Variants in CHFR observed in about 807,000 individuals in gnomAD.
CHFR encodes E3 ubiquitin-protein ligase CHFR.
In CHFR, 57 loss-of-function variants were observed where a neutral mutation model predicts 87.6. That is an observed-to-expected ratio of 0.65 (90% CI 0.53 to 0.81). CHFR has a LOEUF of 0.81. CHFR is among the 30% of genes least tolerant of loss of function. The pLI is 0.00. For missense variants in CHFR, 797 were observed against 865.8 expected, an observed-to-expected ratio of 0.92 and a Z score of 1.00; for synonymous variants, 381 against 359.2, an observed-to-expected ratio of 1.06 and a Z score of -0.69.
At chr12:132,843,929 A>G in intron 16 of CHFR, 98 bp downstream of exon 16, 2 of 731,686 alleles carry the variant, frequency 2.7e-6, no homozygotes, top group South Asian at 3.1e-5. Context: ...AGCCTGGGCA[A>G]AAACAGCGAA....
chr12:132,867,900 T>C (rs1951382475), intron 6 of CHFR: 1 of 152,000 alleles, frequency 6.6e-6, no homozygotes, highest in Non-Finnish European at 1.5e-5. Context: ...AAGATTTTTC[T>C]ATTAAACTGG....
intron 2 of CHFR, among the ~76,000 whole-genome samples, chr12:132,878,190 G>A (rs1951674099): frequency 6.6e-6 from 1 of 152,140 alleles, no homozygotes; most frequent in African/African-American, 2.4e-5. Context: ...CAATTTTACA[G>A]CCAGGCGCAG....
chr12:132,846,122 G>A (rs1950815612), intron 15 of CHFR, among the ~76,000 whole-genome samples: 1 of 152,120 alleles, frequency 6.6e-6, no homozygotes, highest in African/African-American at 2.4e-5. Flanking sequence ...GTTCAGTCCT[G>A]TAATGATGGT....
intron 10 of CHFR, 146 bp from the exon 11 acceptor site, chr12:132,853,719 TC>T: frequency 1.1e-6 from 1 of 922,706 alleles, no homozygotes. Context: ...CCCATTCCTG[TC>T]CAGCACCCCA....
At chr12:132,845,077 A>C (rs1950788845) in intron 15 of CHFR, among the ~76,000 whole-genome samples, 2 of 42,068 alleles carry the variant, frequency 4.8e-5, no homozygotes, top group Non-Finnish European at 7.7e-4. Context: ...TTAAACATCA[A>C]AATTAAAATA....
chr12:132,866,213 G>C (rs998319341), intron 6 of CHFR: 1 of 152,148 alleles, frequency 6.6e-6, no homozygotes, highest in Non-Finnish European at 1.5e-5. Flanking sequence ...GCAACTTAGT[G>C]TCCCCAATTA....
Position 132,887,256 on chromosome 12 carries a change from C to T in CHFR, c.73G>A (p.Glu25Lys), listed in dbSNP as rs1312590714. 6.7e-7 allele frequency: 1 copy of T among 1,502,338 alleles called. No homozygotes were observed. Among genetic ancestry groups the T allele is most frequent in the Non-Finnish European group, 8.8e-7 (1 of 1,132,634 alleles). The allele number at this position is 1,502,338 out of a possible 1,614,324, so 93.1% of individuals were successfully genotyped here. A position where few individuals can be genotyped will look rare whatever the true frequency, so the allele number is the denominator to read the frequency against. ...PWGRLLRLGA[E>K]EGEPHVLLRK... is the part of the protein sequence containing the mutation. ...AGGAGGACGTGCGGCTCGCCCTCCT[C>T]CGCGCCCAGACGCAGGAGCCGTCCC... is the stretch of plus-strand genomic sequence containing the variant. The change falls in exon 2 of 18, where the codon GAG becomes AAG. Residue 25 changes from glutamate to lysine, a missense_variant. Transcript: ENST00000450056.
At chr12:132,876,139 G>A (rs1051318552) in intron 3 of CHFR, among the ~76,000 whole-genome samples, 1 of 150,912 alleles carries the variant, frequency 6.6e-6, no homozygotes, top group African/African-American at 2.5e-5. Flanking sequence ...TCGTACCACT[G>A]CACTTCAGCC....
Position 132,887,374 on chromosome 12 carries a change from C to G in CHFR, c.-12-34G>C, listed in dbSNP as rs1158475588. 3 of 1,284,164 alleles carry G rather than the reference C, an allele frequency of 2.3e-6. No individual in the cohort carries two copies. The East Asian group carries it at 9.5e-5, about 41-fold the overall frequency. The allele number at this position is 1,284,164 out of a possible 1,614,324, so 79.5% of individuals were successfully genotyped here. On this transcript the variant is annotated intron_variant, in intron 1 of 17. Coordinates refer to ENST00000450056, the MANE Select transcript of CHFR (RefSeq NM_001161346.2). The stretch of plus-strand genomic sequence containing the variant: ...ACCCCGGAAACGCCCATGGAGACTC[C>G]CGACCCCAGAGGCCGAGACTCGGCG...
At chr12:132,859,312 G>A (rs1296818559) in intron 7 of CHFR, 85 bp from the exon 8 acceptor site, 3 of 1,325,776 alleles carry the variant, frequency 2.3e-6, no homozygotes, top group African/African-American at 1.5e-5. Context: ...ACAGGAGAAA[G>A]GGATGTGTTC....
chr12:132,839,896 C>T lies in CHFR; in HGVS notation c.*1658G>A, dbSNP rs1234210210. On this transcript the variant is annotated 3_prime_UTR_variant, in exon 18 of 18. Coordinates refer to ENST00000450056, the MANE Select transcript of CHFR (RefSeq NM_001161346.2). Reference sequence around the variant, plus strand: ...CTAACTTGGGACCTCCCTGCTCAGCCTCACCCCTGCACAAACTTGGGACCT... The same window carrying T: ...CTAACTTGGGACCTCCCTGCTCAGCTTCACCCCTGCACAAACTTGGGACCT... The T allele has an allele frequency of 6.0e-6, 1 of 166,634 alleles. No individual in the cohort carries two copies. Among genetic ancestry groups the T allele is most frequent in the African/African-American group, 2.5e-5 (1 of 40,558 alleles). The allele number at this position is 166,634 out of a possible 1,614,324, so 10.3% of individuals were successfully genotyped here. A position where few individuals can be genotyped will look rare whatever the true frequency, so the allele number is the denominator to read the frequency against.
chr12:132,842,606 G>A (rs1205885273), intron 17 of CHFR, among the ~76,000 whole-genome samples: 2 of 152,230 alleles, frequency 1.3e-5, no homozygotes, highest in African/African-American at 2.4e-5. Flanking sequence ...TAAGGAGCAC[G>A]GGAAAGACAC....
intron 3 of CHFR, among the ~76,000 whole-genome samples, chr12:132,873,565 A>C (rs1410465883): frequency 6.9e-6 from 1 of 144,940 alleles, no homozygotes; most frequent in Admixed American, 6.8e-5. Flanking sequence ...GCTGGAGTGC[A>C]CACGGACTTG....
chr12:132,856,730 G>A, intron 9 of CHFR, 100 bp from the exon 10 acceptor site: 1 of 1,359,896 alleles, frequency 7.4e-7, no homozygotes, highest in Non-Finnish European at 1.0e-6. Flanking sequence ...GCTGCGGAAG[G>A]AGGGGTCTGG....
chr12:132,880,696 G>A (rs1165097158), intron 2 of CHFR, among the ~76,000 whole-genome samples: 2 of 151,372 alleles, frequency 1.3e-5, no homozygotes, highest in Non-Finnish European at 2.9e-5. Flanking sequence ...GCCAGGCGTG[G>A]TGGCTCACAC....
chr12:132,848,473 A>G, intron 13 of CHFR, 168 bp downstream of exon 13: 3 of 691,726 alleles, frequency 4.3e-6, no homozygotes, highest in Non-Finnish European at 7.5e-6. Flanking sequence ...AGCTAACACG[A>G]ATTTGACACA....
intron 2 of CHFR, among the ~76,000 whole-genome samples, chr12:132,880,196 GT>G (rs1951734222): frequency 6.6e-6 from 1 of 152,218 alleles, no homozygotes; most frequent in Admixed American, 6.5e-5. Context: ...TTGTGGCTGT[GT>G]AAGGATGGCC....
intron 10 of CHFR, 63 bp downstream of exon 10, chr12:132,856,399 AGCTCTC>A (rs1951071207): frequency 1.8e-5 from 28 of 1,540,280 alleles, no homozygotes; most frequent in Middle Eastern, 4.5e-4. Context: ...CCCAGTAGTG[AGCTCTC>A]GGTCACGGTT....
intron 6 of CHFR, among the ~76,000 whole-genome samples, chr12:132,864,936 C>T (rs1375647721): frequency 1.3e-5 from 2 of 152,208 alleles, no homozygotes; most frequent in African/African-American, 4.8e-5. Context: ...AACAATTTTA[C>T]TGGTGAAGTT....
Sources: allele counts gnomAD v4.1 joint callset (sites outside exome capture counted in the v4.1 genomes callset), GRCh38; gene constraint gnomAD v4.1.1; transcripts MANE v1.5; gene names NCBI Gene and HGNC (gene_info 2026-07-23, HGNC 2026-07-21).